Variants in CYP3A5 observed in about 807,000 individuals in gnomAD.
The protein encoded by CYP3A5 is cytochrome P450 family 3 subfamily A member 5, also known as cytochrome P450 3A5.
CYP3A5 carries 51 observed loss-of-function variants against 55.9 expected under a neutral mutation model. The observed-to-expected ratio is 0.91, with a 90% CI of 0.73 to 1.15. The LOEUF (loss-of-function observed/expected upper bound fraction) is 1.15, where lower values mean the gene tolerates loss of function less well. Ranked by LOEUF, CYP3A5 falls within the 50% of genes most tolerant of loss-of-function variation. The pLI is 0.00. For synonymous variants in CYP3A5, 196 were observed against 213.9 expected (o/e 0.92, Z 0.73); for missense variants, 533 against 596.6 (o/e 0.89, Z 1.11).
chr7:99,662,477 C>T lies in CYP3A5; in HGVS notation c.865+339G>A, dbSNP rs1810552113. 6.6e-6 allele frequency among the ~76,000 whole-genome samples: 1 copy of T among 152,138 alleles called. No individual in the cohort carries two copies. The highest frequency in any genetic ancestry group is 2.4e-5 in the African/African-American group (1 of 41,430). ...TTACTGGGATAGTGTGCTTCCTGAT[C>T]GGTATGTTTGATATAAATTTCCAAG... On this transcript the variant is annotated intron_variant, in intron 9 of 12. Transcript: ENST00000222982. This position sits in a 1 kb window ranked among gnomAD's most constrained non-coding sequence, Gnocchi z 4.3.
chr7:99,665,407 C>A (rs1467239393), intron 6 of CYP3A5, 93 bp from the exon 7 acceptor site: 1 of 1,508,384 alleles, frequency 6.6e-7, no homozygotes, highest in African/African-American at 1.4e-5. Context: ...CCAGTCAAGA[C>A]ACATAAAGAG....
chr7:99,667,124 CA>C (rs1811104959), intron 4 of CYP3A5, 59 bp from the exon 5 acceptor site: 1 of 1,484,236 alleles, frequency 6.7e-7, no homozygotes, highest in Admixed American at 1.8e-5. Flanking sequence ...CATGGTTGCA[CA>C]AAATATATTG....
intron 2 of CYP3A5, among the ~76,000 whole-genome samples, chr7:99,675,667 C>T (rs1584475465): frequency 7.9e-5 from 5 of 63,468 alleles, no homozygotes; most frequent in South Asian, 7.6e-4. Flanking sequence ...CCCTCCCCTC[C>T]CCTCTCCTTC....
chr7:99,668,739 C>T (rs1433402692), intron 4 of CYP3A5, among the ~76,000 whole-genome samples: 1 of 152,218 alleles, frequency 6.6e-6, no homozygotes, highest in African/African-American at 2.4e-5. Context: ...AGTGTGTATT[C>T]TGGACAAGGC....
intron 10 of CYP3A5, among the ~76,000 whole-genome samples, chr7:99,656,099 A>G (rs1809699973): frequency 6.6e-6 from 1 of 152,206 alleles, no homozygotes; most frequent in Admixed American, 6.5e-5. Flanking sequence ...TGCCCTGGCC[A>G]GAACTTCCAA....
chr7:99,665,434 C>A, intron 6 of CYP3A5, 120 bp from the exon 7 acceptor site: 1 of 1,376,094 alleles, frequency 7.3e-7, no homozygotes. Context: ...ACTTTCAGAA[C>A]TATCTGCTGA....
At chr7:99,668,614 A>G (rs1479595555) in intron 4 of CYP3A5, among the ~76,000 whole-genome samples, 2 of 152,226 alleles carry the variant, frequency 1.3e-5, no homozygotes. Flanking sequence ...CATAATTTGC[A>G]TTATAATTGC....
chr7:99,663,112 G>A (rs779426349), intron 8 of CYP3A5: 298 of 1,238,220 alleles, frequency 2.4e-4, no homozygotes, highest in Non-Finnish European at 2.9e-4. Flanking sequence ...TTGCTTTTTC[G>A]CCTTTGCCCT....
At chr7:99,671,732 G>A in intron 4 of CYP3A5, 1 of 680,232 alleles carries the variant, frequency 1.5e-6, no homozygotes, top group Non-Finnish European at 2.7e-6. Flanking sequence ...TAATACATTG[G>A]CCTCCTCAAA....
chr7:99,663,727 C>T, intron 8 of CYP3A5: 1 of 1,123,890 alleles, frequency 8.9e-7, no homozygotes, highest in African/African-American at 1.6e-5. Context: ...TATCTCAATA[C>T]TGTTTATATC....
chr7:99,655,819 G>A (rs1174915286), intron 10 of CYP3A5, among the ~76,000 whole-genome samples: 1 of 152,066 alleles, frequency 6.6e-6, no homozygotes, highest in East Asian at 1.9e-4. Context: ...GAATTCCTAG[G>A]TATTTTATTG....
In CYP3A5 at chr7:99,660,519, C is replaced by G; in HGVS notation, c.1006G>C (p.Asp336His). ...CTCACCTTATTGGGCAAAACTGCAT[C>G]AATCTCCTTTTGCAGTTTCTGCTGG... ...DVQQKLQKEI[D>H]AVLPNKAPPT... Residue 336 changes from aspartate to histidine, a missense_variant, in exon 10 of 13, where the codon GAT becomes CAT. Transcript: ENST00000222982. 6.2e-7 allele frequency: 1 copy of G among 1,612,966 alleles called. No individual in the cohort carries two copies. Among genetic ancestry groups the G allele is most frequent in the Non-Finnish European group, 8.5e-7 (1 of 1,179,512 alleles).
chr7:99,679,270 GA>G (rs1812594688), intron 1 of CYP3A5, among the ~76,000 whole-genome samples: 1 of 152,146 alleles, frequency 6.6e-6, no homozygotes. Context: ...AGAGCCAGGG[GA>G]CAGCTTCCCA....
chr7:99,673,730 G>A (rs144821164), intron 3 of CYP3A5, among the ~76,000 whole-genome samples: 264 of 152,304 alleles, frequency 1.7e-3, no homozygotes, highest in African/African-American at 6.2e-3. Flanking sequence ...AGGAGATGAT[G>A]CCATGCATTT....
intron 9 of CYP3A5, among the ~76,000 whole-genome samples, chr7:99,661,455 A>C (rs1810434482): frequency 6.6e-6 from 1 of 152,224 alleles, no homozygotes; most frequent in Admixed American, 6.5e-5. Flanking sequence ...AAAAAGCCAG[A>C]AGCATGGTGA....
chr7:99,649,343 G>A (rs41303961), intron 12 of CYP3A5, among the ~76,000 whole-genome samples: 25 of 152,236 alleles, frequency 1.6e-4, no homozygotes, highest in Non-Finnish European at 2.6e-4. Flanking sequence ...TAAATACACC[G>A]GTCCTGGAAA....
chr7:99,666,739 C>T (rs1415474207), intron 5 of CYP3A5, 50 bp from the exon 6 acceptor site: 1 of 1,613,380 alleles, frequency 6.2e-7, no homozygotes, highest in Non-Finnish European at 8.5e-7. Context: ...AGACTCAAGT[C>T]CCAGAAGGAT....
chr7:99,648,315 C>T lies in CYP3A5; in HGVS notation c.1499G>A (p.Ser500Asn). The T allele has an allele frequency of 6.2e-7, 1 of 1,612,874 alleles. No homozygotes were observed. Among genetic ancestry groups the T allele is most frequent in the Non-Finnish European group, 8.5e-7 (1 of 1,179,242 alleles). ...AATCCTTAGAATAACTCATTCTCCA[C>T]TTAGGGTTCCATCTCTTGAATCCAC... ...LKVDSRDGTL[S>N]GE is the part of the protein sequence containing the mutation. Residue 500 changes from serine (S) to asparagine (N), a missense_variant, in exon 13 of 13, where the codon AGT becomes AAT. Coordinates refer to ENST00000222982, the MANE Select transcript of CYP3A5 (RefSeq NM_000777.5).
rs1289758626 is a variant in CYP3A5 at position 99,663,134 on chromosome 7, A to G, written c.799-252T>C. On this transcript the variant is annotated intron_variant, in intron 8 of 12. Coordinates refer to ENST00000222982, the MANE Select transcript of CYP3A5 (RefSeq NM_000777.5). ...TTCGCCTTTGCCCTCCCTGTTTCTC[A>G]TCTTCTCTGTCTTTTGGATACAGCT... 6 of 1,212,616 alleles carry G rather than the reference A, an allele frequency of 4.9e-6. No homozygotes were observed. In the South Asian group the frequency reaches 5.9e-5, roughly 12 times the overall value. The allele number at this position is 1,212,616 out of a possible 1,614,324, so 75.1% of individuals were successfully genotyped here.
Sources: gnomAD v4.1 joint callset for allele counts (sites outside exome capture counted in the v4.1 genomes callset) on GRCh38, gnomAD v4.1.1 for gene constraint, Gnocchi (gnomAD v3.1) non-coding constraint, MANE v1.5 for transcripts, NCBI Gene and HGNC (gene_info 2026-07-23, HGNC 2026-07-21) for gene names.